BCL7C: variants seen among roughly 807,000 people sequenced by gnomAD.
The protein encoded by BCL7C is BAF chromatin remodeling complex subunit BCL7C.
Under a neutral mutation model 26.2 loss-of-function variants are expected in BCL7C, and 8 were observed. The observed-to-expected ratio is 0.30, with a 90% CI of 0.18 to 0.55. BCL7C has a LOEUF of 0.55. Among genes scored for constraint, BCL7C ranks in the 20% least tolerant of loss-of-function variants. The probability of loss-of-function intolerance (pLI) is 0.93; values close to 1 mark genes in which losing one functional copy is unlikely to be tolerated. For synonymous variants in BCL7C, 90 were observed against 116.5 expected (o/e 0.77, Z 1.47); for missense variants, 262 against 298.5 (o/e 0.88, Z 0.90).
At chr16:30,840,733 A>T (rs988350087) in intron 5 of BCL7C, 6 of 152,230 alleles carry the variant, frequency 3.9e-5, no homozygotes, top group African/African-American at 7.2e-5. Flanking sequence ...GGAAACTTAC[A>T]GTCATGGCGG....
chr16:30,857,627 C>G (rs1435076844), intron 5 of BCL7C, among the ~76,000 whole-genome samples: 1 of 152,040 alleles, frequency 6.6e-6, no homozygotes, highest in Non-Finnish European at 1.5e-5. Context: ...AGTTAAAACA[C>G]CACAAAACTC....
chr16:30,866,489 A>G (rs988768055), intron 5 of BCL7C, among the ~76,000 whole-genome samples: 6 of 151,200 alleles, frequency 4.0e-5, no homozygotes, highest in Non-Finnish European at 8.8e-5. Context: ...AGGCATGACA[A>G]TCGCCTGAAC....
chr16:30,842,824 T>G (rs923490710), intron 5 of BCL7C, among the ~76,000 whole-genome samples: 1 of 152,174 alleles, frequency 6.6e-6, no homozygotes, highest in Non-Finnish European at 1.5e-5. Context: ...CGCCTCAGCC[T>G]CCCAAAGTGC....
chr16:30,835,406 T>A lies in BCL7C; in HGVS notation c.529-258A>T, dbSNP rs78564257. 2.6e-5 allele frequency among the ~76,000 whole-genome samples: 4 copies of A among 152,240 alleles called. No homozygotes were observed. The East Asian group carries it at 7.7e-4, about 29-fold the overall frequency. On this transcript the variant is annotated intron_variant, in intron 5 of 5. Transcript: ENST00000380317. ...TCCAGCCATTACTTGTAGTGTAATCTTGGGCAAGCTACATAACTTCCTGTT... is the reference window on the plus strand; with the variant it reads ...TCCAGCCATTACTTGTAGTGTAATCATGGGCAAGCTACATAACTTCCTGTT...
At chr16:30,889,464 C>T (rs1354048427) in intron 4 of BCL7C, among the ~76,000 whole-genome samples, 1 of 152,090 alleles carries the variant, frequency 6.6e-6, no homozygotes, top group Non-Finnish European at 1.5e-5. Flanking sequence ...TCCACAGGCC[C>T]ACATCAGGGT....
At chr16:30,856,771 C>T (rs1449814572) in intron 5 of BCL7C, among the ~76,000 whole-genome samples, 1 of 152,188 alleles carries the variant, frequency 6.6e-6, no homozygotes, top group Non-Finnish European at 1.5e-5. Context: ...CCCTTGCTGC[C>T]GGCCGGCACA....
intron 5 of BCL7C, among the ~76,000 whole-genome samples, chr16:30,860,070 TCTCCCTCTCTCG>T (rs2054757040): frequency 7.9e-5 from 1 of 12,608 alleles, no homozygotes; most frequent in Non-Finnish European, 1.9e-4. Flanking sequence ...TACCCTTCAA[TCTCCCTCTCTCG>T]CTACCCTTCA....
downstream of BCL7C, among the ~76,000 whole-genome samples, chr16:30,887,183 C>T (rs1359617601): frequency 6.6e-6 from 1 of 152,092 alleles, no homozygotes; most frequent in Admixed American, 6.6e-5. Flanking sequence ...GTGGCAGGCA[C>T]CTCTAATCCC....
At chr16:30,879,689 C>CAA (rs1187827463) in intron 5 of BCL7C, among the ~76,000 whole-genome samples, 14 of 29,400 alleles carry the variant, frequency 4.8e-4, no homozygotes, top group African/African-American at 1.0e-3. Context: ...CCCTTCTCTA[C>CAA]AAAAAAAAAA....
At chr16:30,879,366 TCTC>T (rs1788016149) in intron 5 of BCL7C, among the ~76,000 whole-genome samples, 1 of 152,032 alleles carries the variant, frequency 6.6e-6, no homozygotes, top group South Asian at 2.1e-4. Context: ...GCCCATCTCT[TCTC>T]CACCCAGCAG....
chr16:30,887,476 CAA>C (rs397854743), downstream of BCL7C, among the ~76,000 whole-genome samples: 969 of 75,756 alleles, frequency 0.013, 3 homozygotes, highest in Non-Finnish European at 0.016. Context: ...GTCTGTGTCT[CAA>C]AAAAAAAAAA....
At chr16:30,888,126 T>G in intron 5 of BCL7C, 136 bp from the exon 6 acceptor site, 1 of 788,198 alleles carries the variant, frequency 1.3e-6, no homozygotes. Flanking sequence ...ATGCCCAGGA[T>G]GCAGAGGAAG....
intron 5 of BCL7C, among the ~76,000 whole-genome samples, chr16:30,878,397 GGT>G (rs34033855): frequency 0.48 from 72,911 of 151,122 alleles, 21,795 homozygotes; most frequent in East Asian, 0.91. Context: ...AAATTAGCTG[GGT>G]GTGGTGGCAC....
chr16:30,857,784 G>A (rs376403466), intron 5 of BCL7C, among the ~76,000 whole-genome samples: 11 of 151,884 alleles, frequency 7.2e-5, no homozygotes, highest in African/African-American at 2.7e-4. Flanking sequence ...CAGCCTGGCC[G>A]ACATGATGAA....
rs549024314 is a variant in BCL7C at position 30,871,159 on chromosome 16, A to G, written c.528+17701T>C. Among the ~76,000 whole-genome samples the G allele has an allele frequency of 3.3e-5, 5 of 152,270 alleles. No individual in the cohort carries two copies. In the South Asian group the frequency reaches 1.0e-3, roughly 32 times the overall value. ...GTGCTCCGACTCTGGATCTCTGGGA[A>G]GAGGAATCCCCAACTCTGCTTCCCA... On this transcript the variant is annotated intron_variant, in intron 5 of 5. Transcript: ENST00000380317.
chr16:30,870,861 G>A (rs1484072298), intron 5 of BCL7C, among the ~76,000 whole-genome samples: 1 of 152,168 alleles, frequency 6.6e-6, no homozygotes, highest in East Asian at 1.9e-4. Flanking sequence ...TGGGCACCTG[G>A]GTTCCAATCC....
chr16:30,839,509 T>C (rs1459001709), intron 5 of BCL7C, among the ~76,000 whole-genome samples: 3 of 152,146 alleles, frequency 2.0e-5, no homozygotes, highest in African/African-American at 7.2e-5. Context: ...TATCACCTAG[T>C]CAGGTAGCCA....
chr16:30,862,292 T>C (rs1291704507), intron 5 of BCL7C, among the ~76,000 whole-genome samples: 2 of 152,198 alleles, frequency 1.3e-5, no homozygotes, highest in Non-Finnish European at 2.9e-5. Flanking sequence ...TATTCTGTTA[T>C]GGATCTCAAA....
exon 6 of BCL7C, chr16:30,835,098 C>A (rs1369054650): frequency 6.5e-7 from 1 of 1,538,750 alleles, no homozygotes; most frequent in Non-Finnish European, 8.8e-7. Context: ...GGGGCTCTGT[C>A]TTCAGCCCCT....
Sources: allele counts gnomAD v4.1 joint callset (sites outside exome capture counted in the v4.1 genomes callset), GRCh38; gene constraint gnomAD v4.1.1; transcripts MANE v1.5; gene names NCBI Gene and HGNC (gene_info 2026-07-23, HGNC 2026-07-21).